Variants in HOMER2 observed in about 807,000 individuals in gnomAD.
HOMER2 encodes homer scaffold protein 2.
A neutral mutation model predicts 47.0 loss-of-function variants in HOMER2; 27 were observed. The observed-to-expected ratio is 0.57, with a 90% CI of 0.42 to 0.79. HOMER2 has a LOEUF of 0.79. Among genes scored for constraint, HOMER2 ranks in the 30% least tolerant of loss-of-function variants. The pLI is 0.00. For synonymous variants in HOMER2, 161 were observed against 163.8 expected (o/e 0.98, Z 0.13); for missense variants, 443 against 435.0 (o/e 1.02, Z -0.16).
rs755349946 is a variant in HOMER2, at chr15:82,864,203, C to T, written c.351G>A (p.Thr117=). The T allele has an allele frequency of 1.5e-5, 24 of 1,611,088 alleles. No individual in the cohort carries two copies. The highest frequency in any genetic ancestry group is 5.3e-5 in the African/African-American group (4 of 74,814). Residue 117 remains threonine (T), a synonymous_variant, in exon 4 of 9, where the codon ACG becomes ACA. Transcript: ENST00000450735. ...TACTTGAGGTCTCGATTTTCTCCTG[C>T]GTCTTGTCTTTGGCTATCTTGGCAG... The part of the protein sequence containing the change: ...KEAAKIAKDK[T]QEKIETSSNH...
exon 2 of HOMER2, chr15:82,842,373 C>T (rs1430570220): frequency 6.6e-6 from 1 of 151,162 alleles, no homozygotes; most frequent in Non-Finnish European, 1.5e-5. Context: ...GGTGCTATCT[C>T]AGCTCACTGC....
downstream of HOMER2, among the ~76,000 whole-genome samples, chr15:82,848,534 A>T (rs1308142258): frequency 1.3e-5 from 2 of 152,200 alleles, no homozygotes; most frequent in African/African-American, 4.8e-5. Flanking sequence ...CCTAGGAGAA[A>T]CTGAAAAAGG....
At chr15:82,897,907 C>G (rs1335959314) in intron 1 of HOMER2, among the ~76,000 whole-genome samples, 1 of 152,230 alleles carries the variant, frequency 6.6e-6, no homozygotes, top group Non-Finnish European at 1.5e-5. Context: ...AAGGGCCCAA[C>G]TAAGCTATAC....
At chr15:82,911,860 A>G (rs940143708) in intron 1 of HOMER2, among the ~76,000 whole-genome samples, 2 of 152,070 alleles carry the variant, frequency 1.3e-5, no homozygotes, top group African/African-American at 4.8e-5. Context: ...TAAAACCCCC[A>G]TCTCTACAAA....
chr15:82,938,863 C>G (rs1249955742), intron 1 of HOMER2, among the ~76,000 whole-genome samples: 2 of 152,194 alleles, frequency 1.3e-5, no homozygotes, highest in African/African-American at 2.4e-5. Context: ...AGATGCTCCC[C>G]TTTTCAGCCT....
intron 1 of HOMER2, among the ~76,000 whole-genome samples, chr15:82,936,262 T>G (rs2054141218): frequency 6.6e-6 from 1 of 152,130 alleles, no homozygotes; most frequent in Non-Finnish European, 1.5e-5. Flanking sequence ...AACCACACAT[T>G]CTAAAGTCGG....
At chr15:82,865,448 T>C (rs555187606) in intron 3 of HOMER2, among the ~76,000 whole-genome samples, 2 of 152,304 alleles carry the variant, frequency 1.3e-5, no homozygotes, top group East Asian at 3.9e-4. Flanking sequence ...GAACGAGTTT[T>C]AGGCTTGCAC....
At chr15:82,967,171 C>T (rs1453000270) in intron 1 of HOMER2, among the ~76,000 whole-genome samples, 7 of 151,918 alleles carry the variant, frequency 4.6e-5, no homozygotes, top group African/African-American at 1.7e-4. Context: ...CAACTGAGCC[C>T]AGGAGTTAGT....
intron 1 of HOMER2, among the ~76,000 whole-genome samples, chr15:82,947,007 G>A (rs1464233915): frequency 1.3e-5 from 2 of 152,226 alleles, no homozygotes; most frequent in Non-Finnish European, 2.9e-5. Flanking sequence ...GCTGGTACTT[G>A]TGTATGTAGT....
intron 2 of HOMER2, among the ~76,000 whole-genome samples, chr15:82,878,143 G>T (rs963670785): frequency 6.6e-6 from 1 of 152,150 alleles, no homozygotes. Flanking sequence ...GCAGGCCTAT[G>T]CCCCTAGGTC....
At chr15:82,967,456 G>A (rs367618770) in intron 1 of HOMER2, among the ~76,000 whole-genome samples, 6 of 152,176 alleles carry the variant, frequency 3.9e-5, no homozygotes, top group Admixed American at 1.3e-4. Flanking sequence ...GTGTGGGGAA[G>A]TGGGTCAGGG....
intron 1 of HOMER2, chr15:82,898,539 C>T (rs555226005): frequency 9.2e-5 from 14 of 152,354 alleles, no homozygotes; most frequent in Middle Eastern, 3.4e-3. Flanking sequence ...ATATAACCTA[C>T]CGTTCCTTGC....
chr15:82,855,194 C>T (rs2051535721), intron 5 of HOMER2, among the ~76,000 whole-genome samples: 4 of 151,556 alleles, frequency 2.6e-5, no homozygotes, highest in South Asian at 2.1e-4. Flanking sequence ...AAAATGGTGG[C>T]GGGCGCCTGC....
intron 2 of HOMER2, among the ~76,000 whole-genome samples, chr15:82,879,856 T>C (rs1362832311): frequency 6.6e-6 from 1 of 152,170 alleles, no homozygotes; most frequent in Non-Finnish European, 1.5e-5. Context: ...GCAAAAACAA[T>C]GTCCACTACC....
At chr15:82,898,591 T>G (rs542082118) in intron 1 of HOMER2, 1 of 152,230 alleles carries the variant, frequency 6.6e-6, no homozygotes, top group Non-Finnish European at 1.5e-5. Flanking sequence ...TGCTGTTCAT[T>G]GAACACATTC....
intron 1 of HOMER2, among the ~76,000 whole-genome samples, chr15:82,935,332 T>C (rs2054118560): frequency 6.6e-6 from 1 of 152,002 alleles, no homozygotes; most frequent in Non-Finnish European, 1.5e-5. Flanking sequence ...AGGACACTTC[T>C]CCACTGGCCA....
chr15:82,846,568 T>C (rs1181654280), downstream of HOMER2: 3 of 152,242 alleles, frequency 2.0e-5, no homozygotes, highest in Admixed American at 6.5e-5. Flanking sequence ...CCAGGAGACC[T>C]GGATGCAGAG....
At chr15:82,894,945 A>C (rs2052858529) in intron 1 of HOMER2, among the ~76,000 whole-genome samples, 1 of 152,208 alleles carries the variant, frequency 6.6e-6, no homozygotes, top group Non-Finnish European at 1.5e-5. Flanking sequence ...TAAAATTTTA[A>C]GAATGCTCTT....
At chr15:82,907,239 C>A (rs896416907) in intron 1 of HOMER2, among the ~76,000 whole-genome samples, 1 of 152,058 alleles carries the variant, frequency 6.6e-6, no homozygotes, top group East Asian at 1.9e-4. Flanking sequence ...TGCGTGCAGT[C>A]CCAACTAATC....
Sources: allele counts gnomAD v4.1 joint callset (sites outside exome capture counted in the v4.1 genomes callset), GRCh38; gene constraint gnomAD v4.1.1; transcripts MANE v1.5; gene names NCBI Gene and HGNC (gene_info 2026-07-23, HGNC 2026-07-21).